NAALADL2: variants seen among roughly 807,000 people sequenced by gnomAD.
NAALADL2 encodes the protein N-acetylated alpha-linked acidic dipeptidase like 2.
NAALADL2 carries 76 observed loss-of-function variants against 87.2 expected under a neutral mutation model. That is an observed-to-expected ratio of 0.87 (90% CI 0.72 to 1.05). NAALADL2 has a LOEUF of 1.05. Ranked by LOEUF, NAALADL2 falls within the 50% of genes least tolerant of loss-of-function variation. NAALADL2 has a pLI of 0.00. For missense variants in NAALADL2, 1,089 were observed against 945.8 expected (o/e 1.15, Z -1.99); for synonymous variants, 354 against 331.0 (o/e 1.07, Z -0.75).
intron 11 of NAALADL2, among the ~76,000 whole-genome samples, chr3:175,641,827 A>G (rs955541628): frequency 4.6e-5 from 7 of 152,362 alleles, no homozygotes; most frequent in South Asian, 4.1e-4. Flanking sequence ...TATTGTTCCT[A>G]TAACAAATCA....
At chr3:174,589,363 C>T (rs1717107139) in intron 2 of NAALADL2, among the ~76,000 whole-genome samples, 1 of 152,232 alleles carries the variant, frequency 6.6e-6, no homozygotes, top group Non-Finnish European at 1.5e-5. Flanking sequence ...AGCTCACGCT[C>T]TGTGGGCTGC....
chr3:175,414,167 A>G (rs1350106137), intron 5 of NAALADL2, among the ~76,000 whole-genome samples: 4 of 152,214 alleles, frequency 2.6e-5, no homozygotes, highest in Admixed American at 1.3e-4. Flanking sequence ...ACACGGGAAC[A>G]GTATGCCTGG....
chr3:175,712,144 A>G (rs1032842088), intron 11 of NAALADL2, among the ~76,000 whole-genome samples: 1 of 152,008 alleles, frequency 6.6e-6, no homozygotes, highest in Non-Finnish European at 1.5e-5. Context: ...ATAAGAAGGT[A>G]TAGTTAAGAA....
intron 3 of NAALADL2, among the ~76,000 whole-genome samples, chr3:174,790,765 C>T (rs1717370917): frequency 6.6e-6 from 1 of 151,776 alleles, no homozygotes; most frequent in Non-Finnish European, 1.5e-5. Context: ...ATTAACATAC[C>T]AATACAATAA....
At chr3:175,033,527 T>C (rs981445701) in intron 1 of NAALADL2, among the ~76,000 whole-genome samples, 3 of 152,154 alleles carry the variant, frequency 2.0e-5, no homozygotes, top group African/African-American at 7.2e-5. Flanking sequence ...GTGAAATTCC[T>C]TTTGTCAAGG....
chr3:174,741,657 A>G (rs1458463933), intron 3 of NAALADL2, among the ~76,000 whole-genome samples: 1 of 151,652 alleles, frequency 6.6e-6, no homozygotes, highest in Non-Finnish European at 1.5e-5. Context: ...AATATTTTAA[A>G]GGGGAAAAAC....
chr3:175,172,753 A>G (rs1735037435), intron 2 of NAALADL2, among the ~76,000 whole-genome samples: 1 of 152,168 alleles, frequency 6.6e-6, no homozygotes, highest in Non-Finnish European at 1.5e-5. Context: ...TTCATTGAAG[A>G]AATGAGGCAG....
At chr3:174,653,647 C>A (rs1284257358) in intron 2 of NAALADL2, among the ~76,000 whole-genome samples, 1 of 152,022 alleles carries the variant, frequency 6.6e-6, no homozygotes, top group East Asian at 1.9e-4. Context: ...TGAGCTAATT[C>A]TTGAATTAAT....
chr3:174,547,596 C>T (rs1410743302), intron 1 of NAALADL2, among the ~76,000 whole-genome samples: 20 of 151,996 alleles, frequency 1.3e-4, no homozygotes, highest in Admixed American at 1.3e-4. Context: ...GATTCACATT[C>T]TACACATAAA....
At chr3:174,609,911 C>G (rs367776914) in intron 2 of NAALADL2, among the ~76,000 whole-genome samples, 1 of 152,098 alleles carries the variant, frequency 6.6e-6, no homozygotes, top group Non-Finnish European at 1.5e-5. Context: ...TGACTTCAAA[C>G]TATACTACAA....
chr3:175,289,667 A>G (rs1181481314), intron 4 of NAALADL2, among the ~76,000 whole-genome samples: 1 of 152,098 alleles, frequency 6.6e-6, no homozygotes, highest in Non-Finnish European at 1.5e-5. Flanking sequence ...CAACATTAAG[A>G]GAGTAAAAAG....
At chr3:174,623,383 T>C (rs1407147675) in intron 2 of NAALADL2, among the ~76,000 whole-genome samples, 2 of 152,174 alleles carry the variant, frequency 1.3e-5, no homozygotes, top group African/African-American at 4.8e-5. Flanking sequence ...TGGCACCATA[T>C]ACAGTAAGGG....
intron 2 of NAALADL2, among the ~76,000 whole-genome samples, chr3:175,127,286 C>T (rs1727115612): frequency 6.6e-6 from 1 of 152,138 alleles, no homozygotes; most frequent in Admixed American, 6.6e-5. Context: ...ATATCCCAGC[C>T]TGTGGTACCT....
At chr3:174,505,818 A>G (rs1015033383) in intron 1 of NAALADL2, among the ~76,000 whole-genome samples, 14 of 152,210 alleles carry the variant, frequency 9.2e-5, no homozygotes, top group African/African-American at 3.4e-4. Flanking sequence ...CTCTTGCCCA[A>G]TTTGAAATTT....
At chr3:174,808,589 C>T (rs1052752567) in intron 3 of NAALADL2, among the ~76,000 whole-genome samples, 22 of 152,084 alleles carry the variant, frequency 1.4e-4, no homozygotes, top group African/African-American at 5.3e-4. Flanking sequence ...ACTGTTTGAA[C>T]ATGCTGAGAT....
intron 2 of NAALADL2, among the ~76,000 whole-genome samples, chr3:175,207,054 T>C (rs906747163): frequency 2.0e-5 from 3 of 152,160 alleles, no homozygotes; most frequent in Non-Finnish European, 4.4e-5. Flanking sequence ...TATTTATATA[T>C]GCAAACGTAT....
intron 2 of NAALADL2, among the ~76,000 whole-genome samples, chr3:174,608,341 A>G (rs1160171919): frequency 2.0e-5 from 3 of 152,132 alleles, no homozygotes; most frequent in Non-Finnish European, 2.9e-5. Flanking sequence ...GGAAATAGAG[A>G]CACAAAAAAC....
chr3:175,106,355 C>T (rs1723162224), intron 2 of NAALADL2, among the ~76,000 whole-genome samples: 1 of 152,052 alleles, frequency 6.6e-6, no homozygotes, highest in Non-Finnish European at 1.5e-5. Flanking sequence ...CTATTTCCAT[C>T]AGATATATCA....
chr3:175,389,035 G>A (rs1018769081), intron 5 of NAALADL2, among the ~76,000 whole-genome samples: 3 of 151,814 alleles, frequency 2.0e-5, no homozygotes, highest in African/African-American at 7.3e-5. Context: ...TAATCATCCT[G>A]GAACCATAAA....
Sources: allele counts gnomAD v4.1 joint callset (sites outside exome capture counted in the v4.1 genomes callset), GRCh38; gene constraint gnomAD v4.1.1; transcripts MANE v1.5; gene names NCBI Gene and HGNC (gene_info 2026-07-23, HGNC 2026-07-21).